The following CFAP61 variants were observed in gnomAD, a reference collection of about 807,000 sequenced individuals.
The protein encoded by CFAP61 is cilia and flagella associated protein 61, also known as cilia- and flagella-associated protein 61.
Under a neutral mutation model 135.6 loss-of-function variants are expected in CFAP61, and 107 were observed. The ratio of observed to expected loss-of-function variants is 0.79; its 90% CI spans 0.67 to 0.93. CFAP61 has a LOEUF of 0.93. Ranked by LOEUF, CFAP61 falls within the 40% of genes least tolerant of loss-of-function variation. CFAP61 has a pLI of 0.00. For synonymous variants in CFAP61, 575 were observed against 578.5 expected (o/e 0.99, Z 0.09); for missense variants, 1,507 against 1,556.2 (o/e 0.97, Z 0.53).
At chr20:20,065,616 G>GAAA (rs11445024) in intron 2 of CFAP61, among the ~76,000 whole-genome samples, 63,932 of 135,726 alleles carry the variant, frequency 0.47, 15,467 homozygotes, top group Non-Finnish European at 0.55. Flanking sequence ...TAGACATTTT[G>GAAA]AAAAAAAAAA....
At chr20:20,358,585 T>C (rs951571973) in intron 26 of CFAP61, among the ~76,000 whole-genome samples, 2 of 152,174 alleles carry the variant, frequency 1.3e-5, no homozygotes, top group African/African-American at 4.8e-5. Flanking sequence ...GCACCCAAAG[T>C]TTTCAGAACC....
chr20:20,346,147 C>T (rs1428387412), intron 26 of CFAP61, among the ~76,000 whole-genome samples: 4 of 139,026 alleles, frequency 2.9e-5, no homozygotes, highest in East Asian at 2.3e-4. Flanking sequence ...ATGATCCACC[C>T]GCCTCGGCCT....
chr20:20,247,469 G>A (rs2050551100), intron 19 of CFAP61, among the ~76,000 whole-genome samples: 1 of 152,286 alleles, frequency 6.6e-6, no homozygotes, highest in Middle Eastern at 3.4e-3. Context: ...GCAAGGCTGC[G>A]GAAAGCTGGC....
chr20:20,283,907 A>G (rs1032005782), intron 22 of CFAP61, among the ~76,000 whole-genome samples: 2 of 152,230 alleles, frequency 1.3e-5, no homozygotes. Context: ...TTACCTGATC[A>G]GGTCAGACCC....
intron 26 of CFAP61, among the ~76,000 whole-genome samples, chr20:20,357,911 C>T (rs1288208018): frequency 3.2e-5 from 4 of 126,550 alleles, no homozygotes; most frequent in African/African-American, 6.6e-5. Context: ...GAGGTGGTCA[C>T]ACTGAGGGGA....
At chr20:20,222,731 T>C (rs562888819) in intron 17 of CFAP61, among the ~76,000 whole-genome samples, 1 of 152,224 alleles carries the variant, frequency 6.6e-6, no homozygotes, top group Non-Finnish European at 1.5e-5. Flanking sequence ...TCCAACTGAT[T>C]GGTTCTATTT....
intron 25 of CFAP61, among the ~76,000 whole-genome samples, chr20:20,327,933 G>A (rs2057827344): frequency 6.6e-6 from 1 of 152,068 alleles, no homozygotes; most frequent in South Asian, 2.1e-4. Context: ...AATGATGTCA[G>A]CACTCATCTG....
chr20:20,186,275 C>T (rs1030592038), intron 13 of CFAP61, among the ~76,000 whole-genome samples: 3 of 152,198 alleles, frequency 2.0e-5, no homozygotes, highest in Admixed American at 6.5e-5. Flanking sequence ...TTACACAACA[C>T]GTGGCCTTTT....
At chr20:20,284,618 A>C (rs567595654) in intron 22 of CFAP61, among the ~76,000 whole-genome samples, 1 of 152,294 alleles carries the variant, frequency 6.6e-6, no homozygotes, top group African/African-American at 2.4e-5. Context: ...CTTATCTTTT[A>C]GTAATTGCTC....
intron 21 of CFAP61, among the ~76,000 whole-genome samples, chr20:20,276,894 T>C (rs75684970): frequency 0.02 from 3,107 of 152,328 alleles, 121 homozygotes; most frequent in African/African-American, 0.071. Context: ...GGTTTTTTTC[T>C]AGACAGTTTC....
intron 26 of CFAP61, among the ~76,000 whole-genome samples, chr20:20,357,124 G>A (rs111413862): frequency 0.041 from 2,517 of 61,106 alleles, no homozygotes; most frequent in Non-Finnish European, 0.072. Flanking sequence ...TGAGTGAGGA[G>A]GTAGTCACAC....
At chr20:20,258,333 T>C (rs2051827720) in intron 20 of CFAP61, 1 of 152,116 alleles carries the variant, frequency 6.6e-6, no homozygotes, top group Admixed American at 6.5e-5. Flanking sequence ...GATGAGAATA[T>C]AGAGGTCATG....
At position 20,265,359 on chromosome 20, in the gene CFAP61, G is replaced by C; in HGVS notation, c.2503+2229G>C. Reference sequence around the variant, plus strand: ...TAGCAGAGAATTTAGAAACCCCAAAGCAAGAAGCGCTGTAGTCTCTTTCAT... The same window carrying C: ...TAGCAGAGAATTTAGAAACCCCAAACCAAGAAGCGCTGTAGTCTCTTTCAT... On this transcript the variant is annotated intron_variant, in intron 21 of 26. Transcript: ENST00000245957. 3.8e-6 allele frequency: 3 copies of C among 779,314 alleles called. No individual in the cohort carries two copies. The South Asian group carries it at 4.0e-5, about 10-fold the overall frequency. 48.3% of individuals were successfully genotyped at this position (779,314 alleles called of 1,614,324 possible). A position where few individuals can be genotyped will look rare whatever the true frequency, so the allele number is the denominator to read the frequency against.
intron 9 of CFAP61, among the ~76,000 whole-genome samples, chr20:20,144,502 A>G (rs1377684096): frequency 1.3e-5 from 2 of 152,170 alleles, no homozygotes; most frequent in Non-Finnish European, 2.9e-5. Flanking sequence ...ACAAATATAA[A>G]TGAGATGTTT....
intron 6 of CFAP61, among the ~76,000 whole-genome samples, chr20:20,079,929 A>T (rs1025582207): frequency 6.6e-6 from 1 of 151,934 alleles, no homozygotes; most frequent in African/African-American, 2.4e-5. Context: ...AGGCAAATAG[A>T]CCCTCCTGTC....
intron 17 of CFAP61, among the ~76,000 whole-genome samples, chr20:20,205,673 C>G (rs1158581409): frequency 6.6e-6 from 1 of 152,182 alleles, no homozygotes; most frequent in Non-Finnish European, 1.5e-5. Flanking sequence ...CCAGCCTGAC[C>G]CTGTCTGACC....
In CFAP61 at chr20:20,305,872, C is replaced by T. The variant is rs57500967; in HGVS notation, c.3422+7486C>T. 2.9e-3 allele frequency among the ~76,000 whole-genome samples: 441 copies of T among 152,296 alleles called. 3 individuals are homozygous for T. The highest frequency in any genetic ancestry group is 9.9e-3 in the African/African-American group (413 of 41,560). ...CCATGCCTTGGCCTTCTTACTCCAA[C>T]AGGCAGATCCTTACCTAGAGATGTT... On this transcript the variant is annotated intron_variant, in intron 25 of 26. Coordinates refer to ENST00000245957, the MANE Select transcript of CFAP61 (RefSeq NM_015585.4).
chr20:20,173,938 C>T (rs1018081593), intron 13 of CFAP61, among the ~76,000 whole-genome samples: 20 of 152,234 alleles, frequency 1.3e-4, no homozygotes, highest in African/African-American at 4.8e-4. Context: ...TTTTCTTTCA[C>T]ACTCTTTTAC....
At chr20:20,326,887 T>C (rs1043473724) in intron 25 of CFAP61, among the ~76,000 whole-genome samples, 2 of 152,206 alleles carry the variant, frequency 1.3e-5, no homozygotes, top group Admixed American at 1.3e-4. Flanking sequence ...CAGGTTAATT[T>C]GGGGTACATT....
Sources: allele counts gnomAD v4.1 joint callset (sites outside exome capture counted in the v4.1 genomes callset), GRCh38; gene constraint gnomAD v4.1.1; transcripts MANE v1.5; gene names NCBI Gene and HGNC (gene_info 2026-07-23, HGNC 2026-07-21).